Variants in PDE10A observed in about 807,000 individuals in gnomAD.
PDE10A encodes phosphodiesterase 10A.
In PDE10A, 39 loss-of-function variants were observed where a neutral mutation model predicts 97.7. That is an observed-to-expected ratio of 0.40 (90% CI 0.31 to 0.52). The LOEUF (loss-of-function observed/expected upper bound fraction) is 0.52. Among genes scored for constraint, PDE10A ranks in the 20% least tolerant of loss-of-function variants. The pLI is 0.56. For synonymous variants in PDE10A, 371 were observed against 376.8 expected, an observed-to-expected ratio of 0.98 and a Z score of 0.18; for missense variants, 731 against 1,047.8, an observed-to-expected ratio of 0.70 and a Z score of 4.17.
intron 1 of PDE10A, among the ~76,000 whole-genome samples, chr6:165,927,941 C>T (rs879339314): frequency 2.6e-4 from 39 of 150,734 alleles, no homozygotes; most frequent in African/African-American, 8.2e-4. Flanking sequence ...AAGTGATCTG[C>T]GCACCCTCGC....
intron 2 of PDE10A, among the ~76,000 whole-genome samples, chr6:165,504,966 C>A (rs1781105978): frequency 6.6e-6 from 1 of 152,150 alleles, no homozygotes; most frequent in African/African-American, 2.4e-5. Context: ...TTCCCACTTT[C>A]CTGAGGAGTA....
At chr6:165,684,981 C>T (rs541280591) in intron 1 of PDE10A, among the ~76,000 whole-genome samples, 26 of 152,112 alleles carry the variant, frequency 1.7e-4, no homozygotes, top group Non-Finnish European at 3.2e-4. Flanking sequence ...AAATAGAATG[C>T]CTTTGTTAGC....
intron 1 of PDE10A, among the ~76,000 whole-genome samples, chr6:165,974,318 A>G (rs1178445484): frequency 1.3e-5 from 2 of 152,226 alleles, no homozygotes; most frequent in Non-Finnish European, 2.9e-5. Context: ...AGAATCCTTC[A>G]GGCTAATGGG....
At chr6:165,729,687 A>G (rs1455254871) in intron 1 of PDE10A, among the ~76,000 whole-genome samples, 1 of 152,216 alleles carries the variant, frequency 6.6e-6, no homozygotes, top group African/African-American at 2.4e-5. Context: ...ATTAATTTGC[A>G]GGTCAGCCTT....
At chr6:165,368,475 T>C (rs1412741271) in intron 18 of PDE10A, among the ~76,000 whole-genome samples, 2 of 152,094 alleles carry the variant, frequency 1.3e-5, no homozygotes, top group Non-Finnish European at 2.9e-5. Context: ...ATGGAAATAA[T>C]ATCAATTCAA....
chr6:165,386,147 C>T (rs1302764407), intron 17 of PDE10A, among the ~76,000 whole-genome samples: 1 of 152,084 alleles, frequency 6.6e-6, no homozygotes, highest in Non-Finnish European at 1.5e-5. Context: ...CTGCAAGCCC[C>T]ACATCGCGGA....
chr6:165,413,239 CAT>C (rs1788031473), intron 13 of PDE10A, among the ~76,000 whole-genome samples: 1 of 152,156 alleles, frequency 6.6e-6, no homozygotes. Flanking sequence ...GATGCCTGGA[CAT>C]GTTACCTTTA....
rs1447284800 is a variant in PDE10A at position 165,411,040 on chromosome 6, C to T, written c.2076+2461G>A. On this transcript the variant is annotated intron_variant, in intron 13 of 21. Coordinates refer to ENST00000539869, the MANE Select transcript of PDE10A (RefSeq NM_001385079.1). ...AGGCGGAGCTTGCAGTGAGCCGAGA[C>T]AGCGCCACTGCCCTCCAGCCTGGGC... Among the ~76,000 whole-genome samples the T allele has an allele frequency of 1.0e-4, 10 of 97,662 alleles. No individual in the cohort carries two copies. The South Asian group carries it at 1.4e-3, about 13-fold the overall frequency. 64.1% of individuals were successfully genotyped at this position (97,662 alleles called of 152,430 possible).
At chr6:165,447,103 A>T (rs75259008) in intron 5 of PDE10A, among the ~76,000 whole-genome samples, 1,779 of 152,290 alleles carry the variant, frequency 0.012, 42 homozygotes, top group African/African-American at 0.039. Flanking sequence ...AGCAAAAAAA[A>T]AAAATAAAAT....
chr6:165,498,456 A>G (rs1481886915), intron 2 of PDE10A, among the ~76,000 whole-genome samples: 1 of 140,208 alleles, frequency 7.1e-6, no homozygotes, highest in Non-Finnish European at 1.5e-5. Flanking sequence ...AAAAAAAAAA[A>G]AAAAAAAAAA....
At chr6:165,798,775 A>G (rs558415535) in intron 1 of PDE10A, among the ~76,000 whole-genome samples, 182 of 152,302 alleles carry the variant, frequency 1.2e-3, no homozygotes, top group African/African-American at 4.0e-3. Context: ...GTGCAGTGGC[A>G]TGATCTCGGC....
chr6:165,591,696 G>C (rs1158802885), intron 1 of PDE10A, among the ~76,000 whole-genome samples: 1 of 151,914 alleles, frequency 6.6e-6, no homozygotes, highest in Non-Finnish European at 1.5e-5. Flanking sequence ...TTGCTTTTTT[G>C]TTTTTTTAAG....
chr6:165,827,041 G>T (rs1181580400), intron 1 of PDE10A, among the ~76,000 whole-genome samples: 1 of 152,132 alleles, frequency 6.6e-6, no homozygotes, highest in Admixed American at 6.5e-5. Context: ...GCACAGCCTC[G>T]GTTGTCCCCT....
chr6:165,572,090 A>G (rs531688367), intron 1 of PDE10A, among the ~76,000 whole-genome samples: 1 of 152,344 alleles, frequency 6.6e-6, no homozygotes, highest in South Asian at 2.1e-4. Flanking sequence ...CGCTTTCTTG[A>G]AAGTTTCATG....
intron 1 of PDE10A, among the ~76,000 whole-genome samples, chr6:165,617,968 G>A (rs1787805050): frequency 6.6e-6 from 1 of 152,122 alleles, no homozygotes; most frequent in Non-Finnish European, 1.5e-5. Flanking sequence ...GTTCACTCCT[G>A]TAATCCCAGC....
chr6:165,855,026 A>C (rs112488414), intron 1 of PDE10A, among the ~76,000 whole-genome samples: 267 of 113,970 alleles, frequency 2.3e-3, no homozygotes, highest in African/African-American at 7.0e-3. Context: ...TGAATGAATG[A>C]ATGAATGCAT....
intron 1 of PDE10A, among the ~76,000 whole-genome samples, chr6:165,931,490 G>A (rs939231837): frequency 2.0e-5 from 3 of 152,228 alleles, no homozygotes; most frequent in African/African-American, 4.8e-5. Context: ...CAAAGGATTC[G>A]AGGCAGAACT....
At chr6:165,817,180 CCCAGCAGG>C (rs1375873784) in intron 1 of PDE10A, among the ~76,000 whole-genome samples, 1 of 152,096 alleles carries the variant, frequency 6.6e-6, no homozygotes, top group Non-Finnish European at 1.5e-5. Flanking sequence ...TCTTTCTTCT[CCCAGCAGG>C]CCAGAGCCCT....
intron 1 of PDE10A, among the ~76,000 whole-genome samples, chr6:165,912,179 T>C (rs1455632637): frequency 6.6e-6 from 1 of 152,114 alleles, no homozygotes; most frequent in Non-Finnish European, 1.5e-5. Context: ...CTATCATCTA[T>C]CTGTCTATCA....
Sources: allele counts gnomAD v4.1 joint callset (sites outside exome capture counted in the v4.1 genomes callset), GRCh38; gene constraint gnomAD v4.1.1; transcripts MANE v1.5; gene names NCBI Gene and HGNC (gene_info 2026-07-23, HGNC 2026-07-21).